Variants in BRAF observed in about 807,000 individuals in gnomAD.
The protein encoded by BRAF is B-Raf proto-oncogene, serine/threonine kinase, also known as serine/threonine-protein kinase B-raf.
A neutral mutation model predicts 104.6 loss-of-function variants in BRAF; 16 were observed. The observed-to-expected ratio is 0.15, with a 90% CI of 0.10 to 0.23. The LOEUF is 0.23. Among genes scored for constraint, BRAF ranks in the 10% least tolerant of loss-of-function variants. The pLI is 1.00. For synonymous variants in BRAF, 310 were observed against 341.6 expected (o/e 0.91, Z 1.02); for missense variants, 541 against 937.3 (o/e 0.58, Z 5.52).
chr7:140,802,795 A>G (rs576027526), intron 5 of BRAF, among the ~76,000 whole-genome samples: 1 of 152,316 alleles, frequency 6.6e-6, no homozygotes, highest in East Asian at 1.9e-4. Context: ...TTTTTACTTT[A>G]TAAACTTTTT....
At chr7:140,784,592 A>G (rs1199101221) in intron 10 of BRAF, among the ~76,000 whole-genome samples, 2 of 152,208 alleles carry the variant, frequency 1.3e-5, no homozygotes, top group Non-Finnish European at 2.9e-5. Context: ...AACTAGCAAG[A>G]GTCAGTAAAT....
intron 1 of BRAF, among the ~76,000 whole-genome samples, chr7:140,908,344 A>G (rs1816571643): frequency 6.6e-6 from 1 of 152,088 alleles, no homozygotes; most frequent in South Asian, 2.1e-4. Context: ...TTTGCTTGCT[A>G]ATTTTTTTAT....
intron 3 of BRAF, among the ~76,000 whole-genome samples, chr7:140,816,103 G>C (rs1804853045): frequency 6.6e-6 from 1 of 152,176 alleles, no homozygotes; most frequent in African/African-American, 2.4e-5. Context: ...GGATTCCATA[G>C]CTGTTTTATT....
At chr7:140,740,719 C>T (rs977243877) in intron 17 of BRAF, 1 of 152,180 alleles carries the variant, frequency 6.6e-6, no homozygotes, top group African/African-American at 2.4e-5. Flanking sequence ...ATAAAAGATC[C>T]CTGCTACAGG....
In BRAF at chr7:140,725,038, C is replaced by CCTAA; in HGVS notation, c.*1452_*1455dup. The CCTAA allele has an allele frequency of 9.6e-7, 1 of 1,046,694 alleles. No individual in the cohort carries two copies. The highest frequency in any genetic ancestry group is 5.6e-5 in the East Asian group (1 of 17,818). 64.8% of individuals were successfully genotyped at this position (1,046,694 alleles called of 1,614,324 possible). ...CAGCTTTCCCACACCCTCCCTCAGT[C>CCTAA]CTAATATCCCTAAAATTGCTCTATT... On this transcript the variant is annotated 3_prime_UTR_variant, in exon 20 of 20. Transcript: ENST00000644969.
intron 1 of BRAF, among the ~76,000 whole-genome samples, chr7:140,862,596 G>A (rs1467436587): frequency 2.0e-5 from 3 of 152,002 alleles, no homozygotes; most frequent in Non-Finnish European, 4.4e-5. Context: ...ATTCAAAACG[G>A]AAAACTCTAA....
intron 17 of BRAF, chr7:140,747,509 A>G (rs1307068021): frequency 4.2e-6 from 3 of 720,222 alleles, no homozygotes; most frequent in Non-Finnish European, 6.1e-6. Context: ...TATTTTGGAG[A>G]TAATACTTGT....
chr7:140,808,483 G>A, intron 4 of BRAF: 4 of 339,134 alleles, frequency 1.2e-5, no homozygotes, highest in South Asian at 7.8e-5. Context: ...GATTCAAAAT[G>A]TGAGGGTCTT....
intron 1 of BRAF, among the ~76,000 whole-genome samples, chr7:140,875,800 G>T (rs1812178485): frequency 6.6e-6 from 1 of 152,204 alleles, no homozygotes; most frequent in African/African-American, 2.4e-5. Flanking sequence ...ATTTTAAAGT[G>T]CTGAAAGAGA....
chr7:140,775,160 A>G (rs919076294), intron 14 of BRAF, among the ~76,000 whole-genome samples: 4 of 152,148 alleles, frequency 2.6e-5, no homozygotes, highest in African/African-American at 9.7e-5. Context: ...ATGAACCGAG[A>G]CACAAGGATA....
chr7:140,776,542 C>T (rs1586120308), intron 14 of BRAF, among the ~76,000 whole-genome samples: 1 of 152,200 alleles, frequency 6.6e-6, no homozygotes, highest in African/African-American at 2.4e-5. Flanking sequence ...AATACGGGCA[C>T]TCAGAGAAAC....
intron 1 of BRAF, among the ~76,000 whole-genome samples, chr7:140,916,927 G>T (rs1817693901): frequency 6.6e-6 from 1 of 152,056 alleles, no homozygotes; most frequent in African/African-American, 2.4e-5. Context: ...AAGGTAGTGG[G>T]GTATTAGCCT....
At chr7:140,772,275 A>T (rs555471916) in intron 14 of BRAF, among the ~76,000 whole-genome samples, 326 of 18,820 alleles carry the variant, frequency 0.017, 1 homozygote, top group African/African-American at 0.026. Context: ...GTTTAACTAC[A>T]ACAACAACAA....
chr7:140,758,610 A>C (rs1205186121), intron 14 of BRAF, among the ~76,000 whole-genome samples: 1 of 152,008 alleles, frequency 6.6e-6, no homozygotes, highest in Admixed American at 6.6e-5. Flanking sequence ...GGGCGCCACC[A>C]TGCCTGGATA....
intron 14 of BRAF, among the ~76,000 whole-genome samples, chr7:140,758,836 AAC>A (rs1233947235): frequency 6.6e-6 from 1 of 152,254 alleles, no homozygotes; most frequent in African/African-American, 2.4e-5. Flanking sequence ...TAAAAGTTTC[AAC>A]ACACACATAC....
chr7:140,880,031 C>T lies in BRAF; in HGVS notation c.139-29819G>A, dbSNP rs536087552. Among the ~76,000 whole-genome samples, 25 of 152,148 alleles carry T rather than the reference C, an allele frequency of 1.6e-4. 1 individual carries two copies. In the East Asian group the frequency reaches 2.1e-3, roughly 13 times the overall value. ...ACAGGTGTAAGCTACCGTGCCCGGC[C>T]GGCAATTTCTTAAAACAAGACAACA... On this transcript the variant is annotated intron_variant, in intron 1 of 19. Transcript: ENST00000644969.
At chr7:140,734,238 C>T in intron 19 of BRAF, 4 of 1,164,116 alleles carry the variant, frequency 3.4e-6, no homozygotes, top group Non-Finnish European at 3.2e-6. Flanking sequence ...GGGTCTTCTT[C>T]TGGAGTCCCT....
At chr7:140,782,894 A>C in intron 11 of BRAF, 127 bp downstream of exon 10, 1 of 1,192,802 alleles carries the variant, frequency 8.4e-7, no homozygotes, top group East Asian at 2.6e-5. Context: ...ATCAGTTCTT[A>C]AATTTATTTA....
chr7:140,722,825 T>G lies in BRAF; in HGVS notation c.*3669A>C, dbSNP rs1177685785. Reference sequence around the variant, plus strand: ...CCACAGCTATTTAATTTCATGCAATTGACTCAAGGTTAAGATTCTGAAACG... The same window carrying G: ...CCACAGCTATTTAATTTCATGCAATGGACTCAAGGTTAAGATTCTGAAACG... On this transcript the variant is annotated 3_prime_UTR_variant, in exon 20 of 20. Transcript: ENST00000644969. The G allele has an allele frequency of 2.9e-6, 3 of 1,052,532 alleles. No homozygotes were observed. The highest frequency in any genetic ancestry group is 5.5e-5 in the Admixed American group (1 of 18,264). The allele number at this position is 1,052,532 out of a possible 1,614,324, so 65.2% of individuals were successfully genotyped here.
Sources: allele counts gnomAD v4.1 joint callset (sites outside exome capture counted in the v4.1 genomes callset), GRCh38; gene constraint gnomAD v4.1.1; transcripts MANE v1.5; gene names NCBI Gene and HGNC (gene_info 2026-07-23, HGNC 2026-07-21).